The following CELSR1 variants were observed in gnomAD, a reference collection of about 807,000 sequenced individuals.
CELSR1 encodes adhesion G protein-coupled receptor C1.
A neutral mutation model predicts 249.1 loss-of-function variants in CELSR1; 110 were observed. The observed-to-expected ratio is 0.44, with a 90% CI of 0.38 to 0.52. The LOEUF (loss-of-function observed/expected upper bound fraction) is 0.52, where lower values mean the gene tolerates loss of function less well. Ranked by LOEUF, CELSR1 falls within the 20% of genes least tolerant of loss-of-function variation. CELSR1 has a pLI of 0.00. For missense variants in CELSR1, 4,109 were observed against 4,296.4 expected, an observed-to-expected ratio of 0.96 and a Z score of 1.22; for synonymous variants, 2,113 against 1,900.0, an observed-to-expected ratio of 1.11 and a Z score of -2.92.
intron 1 of CELSR1, among the ~76,000 whole-genome samples, chr22:46,475,466 G>C (rs944134537): frequency 1.3e-5 from 2 of 152,058 alleles, no homozygotes; most frequent in African/African-American, 4.8e-5. Flanking sequence ...CAGGGACTAG[G>C]GGAGGGCTGT....
At chr22:46,458,036 G>C (rs928984144) in intron 2 of CELSR1, among the ~76,000 whole-genome samples, 1 of 152,246 alleles carries the variant, frequency 6.6e-6, no homozygotes. Flanking sequence ...GCTGCTGTCT[G>C]CATCTAGTGC....
In CELSR1 at chr22:46,428,260, C is replaced by T. The variant is rs928029699; in HGVS notation, c.4611+5133G>A. 6.6e-6 allele frequency among the ~76,000 whole-genome samples: 1 copy of T among 152,226 alleles called. No individual in the cohort carries two copies. The highest frequency in any genetic ancestry group is 2.4e-5 in the African/African-American group (1 of 41,450). On this transcript the variant is annotated intron_variant, in intron 5 of 34. Coordinates refer to ENST00000674500, the MANE Select transcript of CELSR1 (RefSeq NM_001378328.1). The surrounding 1 kb of genome is among the most constrained non-coding windows in gnomAD (Gnocchi z 5.7). ...ACCAGAACCAGAGGAAGCCAAATTG[C>T]CGAGGCAGAGTCCCAAGGACTCCAG...
At chr22:46,533,509 A>G in intron 1 of CELSR1, 118 bp downstream of exon 1, 1 of 1,401,008 alleles carries the variant, frequency 7.1e-7, no homozygotes, top group Non-Finnish European at 9.5e-7. Context: ...ATCCTTGCAG[A>G]GTTGCCCGGG....
rs59470297 is a variant in CELSR1, at chr22:46,506,173, CAAAAAAA to C, written c.3544+27447_3544+27453del. ...CAGCCTGGGCGACAGAGACTGTCTC[CAAAAAAA>C]AAAAAAAAAAAAAGAAAAAGAAAGA... On this transcript the variant is annotated intron_variant, in intron 1 of 34. Transcript: ENST00000674500. The surrounding 1 kb of genome is among the most constrained non-coding windows in gnomAD (Gnocchi z 4.1). Among the ~76,000 whole-genome samples the C allele has an allele frequency of 3.6e-5, 5 of 137,056 alleles. No individual in the cohort carries two copies. The highest frequency in any genetic ancestry group is 1.4e-4 in the Admixed American group (2 of 14,180). 89.9% of individuals were successfully genotyped at this position (137,056 alleles called of 152,430 possible). A position where few individuals can be genotyped will look rare whatever the true frequency, so the allele number is the denominator to read the frequency against.
rs185500978 is a variant in CELSR1, at chr22:46,461,464, C to T, written c.4183+2243G>A. 4.3e-3 allele frequency among the ~76,000 whole-genome samples: 660 copies of T among 152,336 alleles called. 5 individuals carry two copies. The highest frequency in any genetic ancestry group is 0.015 in the African/African-American group (619 of 41,584). On this transcript the variant is annotated intron_variant, in intron 2 of 34. Coordinates refer to ENST00000674500, the MANE Select transcript of CELSR1 (RefSeq NM_001378328.1). ...GGGGTCCCCAGGGGCCTCGACCACC[C>T]CTGCCCAGTGCAGCCCCAAGCTTCC...
Position 46,439,326 on chromosome 22 carries a change from G to A in CELSR1, c.4269C>T (p.Ile1423=), listed in dbSNP as rs376155844. The stretch of plus-strand genomic sequence containing the variant: ...GAGGACACACGCAGTGGAAGCCGCC[G>A]ATGAGCAGGTTCACGCAGGTGCCCC... ...KNGGTCVNLL[I]GGFHCVCPPG... Residue 1423 remains isoleucine (I), a synonymous_variant, in exon 3 of 35, where the codon ATC becomes ATT. Coordinates refer to ENST00000674500, the MANE Select transcript of CELSR1 (RefSeq NM_001378328.1). 8.4e-5 allele frequency: 135 copies of A among 1,614,072 alleles called. No individual in the cohort carries two copies. The highest frequency in any genetic ancestry group is 1.7e-4 in the Middle Eastern group (1 of 6,058).
intron 5 of CELSR1, among the ~76,000 whole-genome samples, chr22:46,418,516 TATAAC>T (rs1310599321): frequency 4.0e-5 from 6 of 150,766 alleles, no homozygotes; most frequent in East Asian, 3.8e-4. Context: ...TAAAATAAAA[TATAAC>T]ATAAAATCAT....
chr22:46,487,263 C>T (rs554216051), intron 1 of CELSR1, among the ~76,000 whole-genome samples: 2 of 151,994 alleles, frequency 1.3e-5, no homozygotes, highest in Admixed American at 6.6e-5. Context: ...TTTCAGTTCT[C>T]GAGCTAATTG....
chr22:46,484,052 C>T lies in CELSR1; in HGVS notation c.3545-19707G>A, dbSNP rs950393794. Among the ~76,000 whole-genome samples, 2 of 152,220 alleles carry T rather than the reference C, an allele frequency of 1.3e-5. No homozygotes were observed. The highest frequency in any genetic ancestry group is 2.4e-5 in the African/African-American group (1 of 41,454). On this transcript the variant is annotated intron_variant, in intron 1 of 34. Coordinates refer to ENST00000674500, the MANE Select transcript of CELSR1 (RefSeq NM_001378328.1). This position sits in a 1 kb window ranked among gnomAD's most constrained non-coding sequence, Gnocchi z 4.5. ...AATTTCACGGAGCACAGAACATTCC[C>T]AGGCTCCCACGGGCTCCCACGCTCT... is the stretch of plus-strand genomic sequence containing the variant.
chr22:46,377,872 C>A (rs2078935808), intron 23 of CELSR1, among the ~76,000 whole-genome samples: 1 of 152,232 alleles, frequency 6.6e-6, no homozygotes, highest in Admixed American at 6.5e-5. Context: ...ATCAAAAAGC[C>A]CTCGGAAAGG....
intron 1 of CELSR1, among the ~76,000 whole-genome samples, chr22:46,486,772 G>A (rs2080317046): frequency 6.6e-6 from 1 of 151,982 alleles, no homozygotes; most frequent in South Asian, 2.1e-4. Flanking sequence ...GAACCCGGGA[G>A]GTGGAGGTTG....
chr22:46,436,167 G>A lies in CELSR1; in HGVS notation c.4522+7C>T, dbSNP rs1422527119. On this transcript the variant is annotated splice_region_variant and intron_variant, in intron 4 of 34. Coordinates refer to ENST00000674500, the MANE Select transcript of CELSR1 (RefSeq NM_001378328.1). The surrounding 1 kb of genome is among the most constrained non-coding windows in gnomAD (Gnocchi z 5.9). The stretch of plus-strand genomic sequence containing the variant: ...CAGAGCTGCCCTTCCTGGGGAGAAG[G>A]CCCCACCTGCAGAGAAGGTGAGCTG... The A allele has an allele frequency of 1.2e-6, 2 of 1,609,162 alleles. No homozygotes were observed. The highest frequency in any genetic ancestry group is 1.7e-6 in the Non-Finnish European group (2 of 1,175,780).
rs922077533 is a variant in CELSR1, at chr22:46,471,633, C to T, written c.3545-7288G>A. Among the ~76,000 whole-genome samples the T allele has an allele frequency of 5.3e-5, 8 of 152,136 alleles. No homozygotes were observed. The highest frequency in any genetic ancestry group is 1.4e-4 in the African/African-American group (6 of 41,438). On this transcript the variant is annotated intron_variant, in intron 1 of 34. Coordinates refer to ENST00000674500, the MANE Select transcript of CELSR1 (RefSeq NM_001378328.1). This position sits in a 1 kb window ranked among gnomAD's most constrained non-coding sequence, Gnocchi z 4.9. ...CTGGTCTCACACTCCTGGCCTCAAG[C>T]GATCCTCCCACCTCAGCCTCCCAAA...
intron 2 of CELSR1, among the ~76,000 whole-genome samples, chr22:46,450,722 G>A (rs2079873586): frequency 6.6e-6 from 1 of 152,172 alleles, no homozygotes; most frequent in African/African-American, 2.4e-5. Flanking sequence ...CGACCAGGAG[G>A]CGAGATTGCA....
At chr22:46,378,909 A>G (rs898269814) in intron 22 of CELSR1, among the ~76,000 whole-genome samples, 192 bp from the exon 23 acceptor site, 2 of 152,050 alleles carry the variant, frequency 1.3e-5, no homozygotes, top group African/African-American at 4.8e-5. Flanking sequence ...AGCCCCCTAC[A>G]CCGAAGACAA....
chr22:46,508,912 G>A lies in CELSR1; in HGVS notation c.3544+24715C>T, dbSNP rs76364351. Among the ~76,000 whole-genome samples, 454 of 152,262 alleles carry A rather than the reference G, an allele frequency of 3.0e-3. 3 individuals are homozygous for A. Among genetic ancestry groups the A allele is most frequent in the African/African-American group, 0.011 (442 of 41,554 alleles). On this transcript the variant is annotated intron_variant, in intron 1 of 34. Coordinates refer to ENST00000674500, the MANE Select transcript of CELSR1 (RefSeq NM_001378328.1). ...TGCTGTTGTCTCCGCCAAGGCCAGC[G>A]GCTACGATGGTCAAAGCAACCCCGA... is the stretch of plus-strand genomic sequence containing the variant.
rs1416189084 is a variant in CELSR1, at chr22:46,363,540, C to T, written c.9036-293G>A. On this transcript the variant is annotated intron_variant, in intron 34 of 34. Transcript: ENST00000674500. This position sits in a 1 kb window ranked among gnomAD's most constrained non-coding sequence, Gnocchi z 4.3. ...ACTTTTGGAAGGGGCATTCTGAAGA[C>T]CTGGCTTCTCCCTTGTGAGTTTGGA... is the stretch of plus-strand genomic sequence containing the variant. 1 of 365,834 alleles carries T rather than the reference C, an allele frequency of 2.7e-6. No homozygotes were observed. The highest frequency in any genetic ancestry group is 5.0e-6 in the Non-Finnish European group (1 of 198,284). The allele number at this position is 365,834 out of a possible 1,614,324, so 22.7% of individuals were successfully genotyped here.
In CELSR1 at chr22:46,463,775, C is replaced by T; in HGVS notation, c.4115G>A (p.Cys1372Tyr). Reference sequence around the variant, plus strand: ...GCTGCGGCAGCGGCCGTTGGCGCCGCACGGGTCGGAGTAGCAGAGGTCGAT... The same window carrying T: ...GCTGCGGCAGCGGCCGTTGGCGCCGTACGGGTCGGAGTAGCAGAGGTCGAT... ...TEIDLCYSDP[C>Y]GANGRCRSRE... The change falls in exon 2 of 35, where the codon TGC becomes TAC. Residue 1372 changes from cysteine (C) to tyrosine (Y), a missense_variant. Coordinates refer to ENST00000674500, the MANE Select transcript of CELSR1 (RefSeq NM_001378328.1). 1 of 1,581,366 alleles carries T rather than the reference C, an allele frequency of 6.3e-7. No homozygotes were observed. Among genetic ancestry groups the T allele is most frequent in the Non-Finnish European group, 8.6e-7 (1 of 1,163,666 alleles).
At position 46,391,634 on chromosome 22, in the gene CELSR1, T is replaced by C. The variant is rs1384110123; in HGVS notation, c.6147A>G (p.Glu2049=). The change falls in exon 15 of 35, where the codon GAA becomes GAG. Residue 2049 remains glutamate, a splice_region_variant and synonymous_variant. Coordinates refer to ENST00000674500, the MANE Select transcript of CELSR1 (RefSeq NM_001378328.1). The surrounding 1 kb of genome is among the most constrained non-coding windows in gnomAD (Gnocchi z 4.3). ...PFAEVTTLGC[E]VIYNGCPKAF... is the part of the protein sequence containing the mutation. ...AGGGTGTCGAGGGGCAACGCGGACC[T>C]TCACAGCCGAGCGTGGTGACCTCGG... is the stretch of plus-strand genomic sequence containing the variant. 6.3e-7 allele frequency: 1 copy of C among 1,596,178 alleles called. No individual in the cohort carries two copies. The highest frequency in any genetic ancestry group is 8.5e-7 in the Non-Finnish European group (1 of 1,174,642).
Sources: allele counts gnomAD v4.1 joint callset (sites outside exome capture counted in the v4.1 genomes callset), GRCh38; gene constraint gnomAD v4.1.1; non-coding constraint Gnocchi (gnomAD v3.1); transcripts MANE v1.5; gene names NCBI Gene and HGNC (gene_info 2026-07-23, HGNC 2026-07-21).